The following ERBB4 variants were observed in gnomAD, a reference collection of about 807,000 sequenced individuals.
ERBB4 encodes the protein erb-b2 receptor tyrosine kinase 4, also known as receptor tyrosine-protein kinase erbB-4.
A neutral mutation model predicts 158.0 loss-of-function variants in ERBB4; 42 were observed. The observed-to-expected ratio is 0.27, with a 90% CI of 0.21 to 0.34. The LOEUF is 0.34. Ranked by LOEUF, ERBB4 falls within the 10% of genes least tolerant of loss-of-function variation. ERBB4 has a pLI of 1.00. For missense variants in ERBB4, 1,333 were observed against 1,624.1 expected (o/e 0.82, Z 3.08); for synonymous variants, 583 against 558.7 (o/e 1.04, Z -0.61).
intron 12 of ERBB4, among the ~76,000 whole-genome samples, chr2:211,685,762 C>T (rs2072539390): frequency 6.6e-6 from 1 of 152,098 alleles, no homozygotes; most frequent in East Asian, 1.9e-4. Flanking sequence ...ACACAGTAGG[C>T]TTTTGCATTT....
chr2:211,610,281 C>G (rs895114051), intron 19 of ERBB4, among the ~76,000 whole-genome samples: 3 of 151,960 alleles, frequency 2.0e-5, no homozygotes, highest in Non-Finnish European at 4.4e-5. Flanking sequence ...TTCCCTTAAC[C>G]AAATTACTGC....
chr2:212,511,890 C>G (rs1691541504), intron 1 of ERBB4, among the ~76,000 whole-genome samples: 1 of 152,112 alleles, frequency 6.6e-6, no homozygotes, highest in Admixed American at 6.5e-5. Context: ...TGTCACCATC[C>G]AGTACCAAAG....
intron 20 of ERBB4, among the ~76,000 whole-genome samples, chr2:211,513,377 C>CAAAAA (rs1167274491): frequency 1.8e-5 from 1 of 55,746 alleles, no homozygotes; most frequent in Admixed American, 2.2e-4. Flanking sequence ...AAAAAAAAAA[C>CAAAAA]AAAAAAAAAA....
chr2:212,028,931 G>T (rs886266287), intron 2 of ERBB4, among the ~76,000 whole-genome samples: 1 of 152,046 alleles, frequency 6.6e-6, no homozygotes, highest in Non-Finnish European at 1.5e-5. Flanking sequence ...CAGAGGTGGG[G>T]CTTAGACACC....
intron 2 of ERBB4, among the ~76,000 whole-genome samples, chr2:212,100,613 A>G (rs1203280962): frequency 1.3e-5 from 2 of 152,176 alleles, no homozygotes; most frequent in African/African-American, 4.8e-5. Flanking sequence ...AGGATACAAA[A>G]ATAAATAAGT....
chr2:212,064,965 C>T (rs1328604507), intron 2 of ERBB4, among the ~76,000 whole-genome samples: 3 of 150,304 alleles, frequency 2.0e-5, no homozygotes, highest in African/African-American at 7.3e-5. Flanking sequence ...CTATAGGTTC[C>T]ACCACCATAA....
rs187757546 is a variant in ERBB4, at chr2:212,171,513, T to G, written c.83-46610A>C. Among the ~76,000 whole-genome samples, 10 of 152,188 alleles carry G rather than the reference T, an allele frequency of 6.6e-5. No homozygotes were observed. The East Asian group carries it at 1.9e-3, about 30-fold the overall frequency. ...TTGGAAGGGGCAAGGGGCAGAATGA[T>G]ATGGTTTGGCTCTGGGCCCCAACAA... On this transcript the variant is annotated intron_variant, in intron 1 of 27. Transcript: ENST00000342788.
intron 1 of ERBB4, among the ~76,000 whole-genome samples, chr2:212,381,306 A>G (rs2090496579): frequency 6.6e-6 from 1 of 151,278 alleles, no homozygotes; most frequent in Non-Finnish European, 1.5e-5. Context: ...TGATTAAGTA[A>G]CCACTTCTAC....
At chr2:211,786,216 A>C (rs1314887856) in intron 4 of ERBB4, among the ~76,000 whole-genome samples, 1 of 152,206 alleles carries the variant, frequency 6.6e-6, no homozygotes, top group African/African-American at 2.4e-5. Context: ...GGAGTCATCA[A>C]CCTAGAGGTT....
chr2:212,250,046 AC>A, intron 1 of ERBB4, among the ~76,000 whole-genome samples: 1 of 152,144 alleles, frequency 6.6e-6, no homozygotes, highest in Admixed American at 6.6e-5. Context: ...TAATCATTGA[AC>A]CTAAATCTAA....
chr2:212,308,393 C>A (rs111640727), intron 1 of ERBB4, among the ~76,000 whole-genome samples: 2,436 of 151,086 alleles, frequency 0.016, 67 homozygotes, highest in African/African-American at 0.056. Context: ...ATGAATGAGT[C>A]TGAGGAAACA....
At chr2:211,562,173 G>A in intron 19 of ERBB4, 85 bp from the exon 20 acceptor site, 1 of 1,162,794 alleles carries the variant, frequency 8.6e-7, no homozygotes, top group Non-Finnish European at 1.3e-6. Flanking sequence ...TGGTGCTGAT[G>A]ATTTTTAAAA....
intron 3 of ERBB4, among the ~76,000 whole-genome samples, chr2:211,872,318 T>C (rs1054343235): frequency 5.3e-5 from 8 of 152,136 alleles, no homozygotes; most frequent in African/African-American, 1.7e-4. Flanking sequence ...GAGAAAGTAT[T>C]GTAAGAGAAT....
At chr2:211,444,901 C>CA (rs1454214111) in intron 20 of ERBB4, among the ~76,000 whole-genome samples, 12 of 151,650 alleles carry the variant, frequency 7.9e-5, no homozygotes, top group African/African-American at 2.2e-4. Context: ...GTGTTGATTA[C>CA]AAAAAAACTA....
chr2:212,473,538 A>G (rs1031426868), intron 1 of ERBB4, among the ~76,000 whole-genome samples: 3 of 152,128 alleles, frequency 2.0e-5, no homozygotes, highest in Non-Finnish European at 2.9e-5. Context: ...GTAGCTTTGT[A>G]TATCATACTA....
At chr2:212,499,910 C>CA (rs1690789248) in intron 1 of ERBB4, among the ~76,000 whole-genome samples, 1 of 152,060 alleles carries the variant, frequency 6.6e-6, no homozygotes, top group African/African-American at 2.4e-5. Flanking sequence ...CATCCTGTCT[C>CA]TGTGCCTCAA....
At chr2:211,831,916 A>G (rs2077230138) in intron 3 of ERBB4, among the ~76,000 whole-genome samples, 1 of 151,178 alleles carries the variant, frequency 6.6e-6, no homozygotes, top group Non-Finnish European at 1.5e-5. Flanking sequence ...AAAAAAAAAT[A>G]GTAATGTCTT....
chr2:212,192,231 TCTAA>T (rs1219914387), intron 1 of ERBB4, among the ~76,000 whole-genome samples: 1 of 116,196 alleles, frequency 8.6e-6, no homozygotes, highest in African/African-American at 3.1e-5. Flanking sequence ...TTGGCATAAT[TCTAA>T]TTTCTAAATG....
chr2:211,481,559 A>G (rs2065084507), intron 20 of ERBB4, among the ~76,000 whole-genome samples: 1 of 148,770 alleles, frequency 6.7e-6, no homozygotes, highest in Non-Finnish European at 1.5e-5. Context: ...ACCAATATCT[A>G]CTCTCTGGAA....
Sources: allele counts gnomAD v4.1 joint callset (sites outside exome capture counted in the v4.1 genomes callset), GRCh38; gene constraint gnomAD v4.1.1; transcripts MANE v1.5; gene names NCBI Gene and HGNC (gene_info 2026-07-23, HGNC 2026-07-21).